The following GNG2 variants were observed in gnomAD, a reference collection of about 807,000 sequenced individuals.
The protein encoded by GNG2 is guanine nucleotide-binding protein G(I)/G(S)/G(O) subunit gamma-2.
GNG2 carries 5 observed loss-of-function variants against 5.5 expected under a neutral mutation model. The ratio of observed to expected loss-of-function variants is 0.91; its 90% CI spans 0.48 to 1.92. The LOEUF (loss-of-function observed/expected upper bound fraction) is 1.92. Ranked by LOEUF, GNG2 falls within the 30% of genes most tolerant of loss-of-function variation. The pLI, the probability that GNG2 is intolerant of heterozygous loss-of-function variation, is 0.01. For missense variants in GNG2, 55 were observed against 88.4 expected, an observed-to-expected ratio of 0.62 and a Z score of 1.52; for synonymous variants, 28 against 32.0, an observed-to-expected ratio of 0.88 and a Z score of 0.42.
chr14:51,966,677 C>A lies in GNG2; in HGVS notation c.206C>A (p.Ala69Asp). Residue 69 changes from alanine (A) to aspartate (D), a missense_variant, in exon 4 of 4, where the codon GCC (alanine) becomes GAC (aspartate). Transcript: ENST00000556766. The part of the protein sequence containing the change: ...NPFREKKFFC[A>D]IL Reference sequence around the variant, plus strand: ...TTTAGGGAGAAGAAGTTTTTCTGTGCCATCCTTTAAGTCTTTGAGAGGGGC... The same window carrying A: ...TTTAGGGAGAAGAAGTTTTTCTGTGACATCCTTTAAGTCTTTGAGAGGGGC... 6.2e-7 allele frequency: 1 copy of A among 1,613,726 alleles called. No individual in the cohort carries two copies. The highest frequency in any genetic ancestry group is 8.5e-7 in the Non-Finnish European group (1 of 1,179,684).
intron 2 of GNG2, among the ~76,000 whole-genome samples, chr14:51,881,422 AC>A (rs1185754007): frequency 1.3e-5 from 2 of 151,976 alleles, no homozygotes; most frequent in Non-Finnish European, 2.9e-5. Flanking sequence ...TGAGCCACTT[AC>A]CCCCATGTAA....
chr14:51,902,569 A>G (rs894618794), intron 2 of GNG2, among the ~76,000 whole-genome samples: 17 of 152,348 alleles, frequency 1.1e-4, no homozygotes, highest in African/African-American at 3.8e-4. Flanking sequence ...AACAAAAATG[A>G]GATATAGTCA....
chr14:51,914,125 C>T, intron 2 of GNG2: 1 of 661,136 alleles, frequency 1.5e-6, no homozygotes, highest in Non-Finnish European at 2.7e-6. Context: ...ATTGAAATTG[C>T]AATCATCTTG....
At chr14:51,955,966 C>T (rs1408718795) in intron 3 of GNG2, among the ~76,000 whole-genome samples, 1 of 152,090 alleles carries the variant, frequency 6.6e-6, no homozygotes, top group African/African-American at 2.4e-5. Flanking sequence ...AGAAATGGTC[C>T]AGTTAGACGC....
chr14:51,933,489 T>C (rs1461318536), intron 2 of GNG2, among the ~76,000 whole-genome samples: 2 of 152,178 alleles, frequency 1.3e-5, no homozygotes, highest in Non-Finnish European at 2.9e-5. Context: ...GGGACAGGTT[T>C]TATTTTTGTT....
chr14:51,858,378 C>T (rs1042260761), upstream of GNG2, among the ~76,000 whole-genome samples: 6 of 152,176 alleles, frequency 3.9e-5, no homozygotes, highest in African/African-American at 4.8e-5. Context: ...GATTAACCTA[C>T]TGTGAGTTTT....
At chr14:51,842,176 G>A (rs1257731173) in intron 2 of GNG2, among the ~76,000 whole-genome samples, 3 of 152,198 alleles carry the variant, frequency 2.0e-5, no homozygotes, top group Non-Finnish European at 4.4e-5. Context: ...AGCTTATTCA[G>A]ATATGAGACT....
intron 2 of GNG2, among the ~76,000 whole-genome samples, chr14:51,835,905 T>C (rs1881315969): frequency 6.6e-6 from 1 of 152,116 alleles, no homozygotes; most frequent in Admixed American, 6.5e-5. Context: ...AGTTTCAGGA[T>C]AAGGGCTTTA....
intron 1 of GNG2, among the ~76,000 whole-genome samples, chr14:51,872,912 T>C (rs905191011): frequency 1.3e-5 from 2 of 152,374 alleles, no homozygotes; most frequent in East Asian, 1.9e-4. Flanking sequence ...CATGTGGTCA[T>C]GTACCCACAG....
In GNG2 at chr14:51,966,540, T is replaced by G. The variant is rs1889932029; in HGVS notation, c.88-19T>G. 6 of 1,612,272 alleles carry G rather than the reference T, an allele frequency of 3.7e-6. No individual in the cohort carries two copies. The highest frequency in any genetic ancestry group is 5.1e-6 in the Non-Finnish European group (6 of 1,178,396). The stretch of plus-strand genomic sequence containing the variant: ...CTGTACCAGACTCCAGTGTTGGTTG[T>G]TTTTGTCTCCCTTTCCAGGTGTCCA... On this transcript the variant is annotated intron_variant, in intron 3 of 3. Transcript: ENST00000556766.
intron 2 of GNG2, among the ~76,000 whole-genome samples, chr14:51,852,527 G>A (rs1881955137): frequency 6.6e-6 from 1 of 152,262 alleles, no homozygotes; most frequent in Non-Finnish European, 1.5e-5. Flanking sequence ...CCAGGATGAA[G>A]AAGTGGTAAT....
rs1555356824 is a variant in GNG2, at chr14:51,942,571, C to CTCTTTCTTTCTTTCTTTCTTTCTT, written c.-29-8058_-29-8057insCTTTCTTTCTTTCTTTCTTTCTTT. ...ATTATTAGAATTTTATTTATTTTTTCTCTTTCTTTCTTTCTTTCTTTTTTT... is the reference window on the plus strand; with the variant it reads ...ATTATTAGAATTTTATTTATTTTTTCTCTTTCTTTCTTTCTTTCTTTCTTTCTTTCTTTCTTTCTTTCTTTTTTT... On this transcript the variant is annotated intron_variant, in intron 2 of 3. Transcript: ENST00000556766. Among the ~76,000 whole-genome samples the CTCTTTCTTTCTTTCTTTCTTTCTT allele has an allele frequency of 2.2e-3, 125 of 55,650 alleles. 8 individuals are homozygous for CTCTTTCTTTCTTTCTTTCTTTCTT. The highest frequency in any genetic ancestry group is 0.011 in the Middle Eastern group (1 of 92). 36.5% of individuals were successfully genotyped at this position (55,650 alleles called of 152,430 possible).
intron 2 of GNG2, among the ~76,000 whole-genome samples, chr14:51,851,376 C>A (rs530083356): frequency 3.0e-4 from 46 of 152,240 alleles, no homozygotes; most frequent in African/African-American, 1.0e-3. Flanking sequence ...AGCTTTTGAC[C>A]CAATGGTACT....
chr14:51,929,921 T>C (rs890177944), intron 2 of GNG2, among the ~76,000 whole-genome samples: 6 of 152,166 alleles, frequency 3.9e-5, no homozygotes, highest in African/African-American at 1.4e-4. Context: ...ATATTATCTG[T>C]CCCTGTCAGC....
At position 51,950,650 on chromosome 14, in the gene GNG2, T is replaced by C; in HGVS notation, c.-29T>C. 2.6e-6 allele frequency: 4 copies of C among 1,536,322 alleles called. No homozygotes were observed. The highest frequency in any genetic ancestry group is 1.1e-5 in the South Asian group (1 of 87,752). On this transcript the variant is annotated splice_region_variant and 5_prime_UTR_variant, in exon 3 of 4. Transcript: ENST00000556766. ...ATCTTCTTTTTGTTTTCTTTTCTAG[T>C]GTTTCTGAAAGATCTATCCAGCACT...
In GNG2 at chr14:51,841,615, AT is replaced by A. The variant is rs151333903; in HGVS notation, c.64+13810del. ...TCCACAGTAATATTTCAACAGAACCATTAAAAGGAAAGAAAACAAGCAAGCA... is the reference window on the plus strand; with the variant it reads ...TCCACAGTAATATTTCAACAGAACCATAAAAGGAAAGAAAACAAGCAAGCA... On this transcript the variant is annotated intron_variant, in intron 2 of 3. Transcript: ENST00000553432. 4,826 of 689,052 alleles carry A rather than the reference AT, an allele frequency of 7.0e-3. 161 individuals carry two copies. In the African/African-American group the frequency reaches 0.076, roughly 11 times the overall value. 42.7% of individuals were successfully genotyped at this position (689,052 alleles called of 1,614,324 possible).
At chr14:51,946,425 T>A (rs1249289959) in intron 2 of GNG2, among the ~76,000 whole-genome samples, 1 of 152,140 alleles carries the variant, frequency 6.6e-6, no homozygotes, top group Non-Finnish European at 1.5e-5. Context: ...AATATATAGA[T>A]GTACATTCTA....
chr14:51,847,989 A>G (rs1881716839), intron 2 of GNG2, among the ~76,000 whole-genome samples: 1 of 146,056 alleles, frequency 6.8e-6, no homozygotes, highest in Non-Finnish European at 1.5e-5. Context: ...GGAAATTGAG[A>G]TGAACAAATT....
In GNG2 at chr14:51,844,538, G is replaced by A. The variant is rs750140716; in HGVS notation, c.64+16731G>A. ...CTGTGTGTGTGTGTGTGGGTGGAGA[G>A]GAGTGTTATATAAAGAGTTAATATG... On this transcript the variant is annotated intron_variant, in intron 2 of 3. Transcript: ENST00000553432. Among the ~76,000 whole-genome samples the A allele has an allele frequency of 5.3e-4, 80 of 152,120 alleles. 1 individual carries two copies. The highest frequency in any genetic ancestry group is 1.0e-3 in the Non-Finnish European group (70 of 68,016).
Sources: allele counts gnomAD v4.1 joint callset (sites outside exome capture counted in the v4.1 genomes callset), GRCh38; gene constraint gnomAD v4.1.1; transcripts MANE v1.5; gene names NCBI Gene and HGNC (gene_info 2026-07-23, HGNC 2026-07-21).